Variants in OSCP1 observed in about 807,000 individuals in gnomAD.
OSCP1 encodes the protein organic solute carrier partner 1.
OSCP1 carries 35 observed loss-of-function variants against 45.1 expected under a neutral mutation model. The ratio of observed to expected loss-of-function variants is 0.78; its 90% CI spans 0.59 to 1.03. The LOEUF (loss-of-function observed/expected upper bound fraction) is 1.03, where lower values mean the gene tolerates loss of function less well. Among genes scored for constraint, OSCP1 ranks in the 50% least tolerant of loss-of-function variants. OSCP1 has a pLI of 0.00. For missense variants in OSCP1, 400 were observed against 470.7 expected, an observed-to-expected ratio of 0.85 and a Z score of 1.39; for synonymous variants, 179 against 180.1, an observed-to-expected ratio of 0.99 and a Z score of 0.05.
intron 1 of OSCP1, among the ~76,000 whole-genome samples, chr1:36,441,750 CAAAAAAAA>C (rs575967932): frequency 1.7e-5 from 1 of 58,272 alleles, no homozygotes; most frequent in Non-Finnish European, 3.3e-5. Context: ...GACTCCAGCT[CAAAAAAAA>C]AAAAAAAAAA....
At chr1:36,427,225 C>T (rs1648025523) in intron 4 of OSCP1, among the ~76,000 whole-genome samples, 1 of 151,298 alleles carries the variant, frequency 6.6e-6, no homozygotes, top group Non-Finnish European at 1.5e-5. Flanking sequence ...TGGTCTCGAA[C>T]TCCTGACCTC....
intron 8 of OSCP1, 118 bp from the exon 9 acceptor site, chr1:36,419,172 T>A: frequency 1.1e-6 from 1 of 873,212 alleles, no homozygotes; most frequent in Non-Finnish European, 1.9e-6. Flanking sequence ...CCATTTCTCT[T>A]AAACTTTCTA....
Position 36,424,800 on chromosome 1 carries a change from A to G in OSCP1, c.517-1334T>C, listed in dbSNP as rs184746147. On this transcript the variant is annotated intron_variant, in intron 4 of 9. Coordinates refer to ENST00000235532, the MANE Select transcript of OSCP1 (RefSeq NM_145047.5). ...AGTTTTACTGGGTCTTGGCTTCCTT[A>G]TCTGTAAAATAAGAGATGAGCTTGA... 1.8e-4 allele frequency among the ~76,000 whole-genome samples: 27 copies of G among 152,306 alleles called. No individual in the cohort carries two copies. In the East Asian group the frequency reaches 4.8e-3, roughly 27 times the overall value.
chr1:36,428,529 C>A, intron 4 of OSCP1: 1 of 1,532,142 alleles, frequency 6.5e-7, no homozygotes, highest in Non-Finnish European at 8.8e-7. Context: ...TCAGTTAATC[C>A]AACAAAATTA....
At chr1:36,423,296 C>T (rs537239787) in intron 5 of OSCP1, 67 bp downstream of exon 5, 10 of 1,259,556 alleles carry the variant, frequency 7.9e-6, no homozygotes, top group East Asian at 4.7e-5. Flanking sequence ...TGCGGCATTC[C>T]GTGTGCGGCC....
At chr1:36,442,219 T>G (rs1649239183) in intron 1 of OSCP1, among the ~76,000 whole-genome samples, 1 of 117,482 alleles carries the variant, frequency 8.5e-6, no homozygotes, top group South Asian at 2.6e-4. Flanking sequence ...AGAGCGAAAC[T>G]CCGTCTCAAA....
At position 36,420,625 on chromosome 1, in the gene OSCP1, C is replaced by T. The variant is rs781579660; in HGVS notation, c.820-10G>A. 10 of 1,612,396 alleles carry T rather than the reference C, an allele frequency of 6.2e-6. No homozygotes were observed. The highest frequency in any genetic ancestry group is 8.5e-6 in the Non-Finnish European group (10 of 1,179,448). ...TTGGAGCAATGCTTTCCTGCAGAAACAGTTGCATGATTTTTAGCCACATGA... is the reference window on the plus strand; with the variant it reads ...TTGGAGCAATGCTTTCCTGCAGAAATAGTTGCATGATTTTTAGCCACATGA... On this transcript the variant is annotated splice_polypyrimidine_tract_variant and intron_variant, in intron 7 of 9. Transcript: ENST00000235532.
At chr1:36,428,215 G>GAA in intron 4 of OSCP1, 2 of 908,800 alleles carry the variant, frequency 2.2e-6, no homozygotes, top group South Asian at 2.8e-5. Context: ...AAAAAAGAAA[G>GAA]AAAAATTTGG....
chr1:36,419,936 G>T (rs995577523), intron 8 of OSCP1, among the ~76,000 whole-genome samples: 1 of 151,158 alleles, frequency 6.6e-6, no homozygotes, highest in African/African-American at 2.4e-5. Context: ...CCTCAACCTC[G>T]TGGGTAGCTG....
At chr1:36,419,597 T>C (rs1297169413) in intron 8 of OSCP1, among the ~76,000 whole-genome samples, 1 of 152,196 alleles carries the variant, frequency 6.6e-6, no homozygotes, top group East Asian at 1.9e-4. Flanking sequence ...AGATAATGCA[T>C]GCAAAAGTGC....
Position 36,418,119 on chromosome 1 carries a change from A to G in OSCP1, c.*20T>C, listed in dbSNP as rs2124770556. ...TCCAGCAGCCTCTCCCTGGGGGCAG[A>G]GGACGCCTGGTCAGAACAGCTATAA... On this transcript the variant is annotated 3_prime_UTR_variant, in exon 10 of 10. Coordinates refer to ENST00000235532, the MANE Select transcript of OSCP1 (RefSeq NM_145047.5). 1 of 1,608,866 alleles carries G rather than the reference A, an allele frequency of 6.2e-7. No homozygotes were observed. Among genetic ancestry groups the G allele is most frequent in the Non-Finnish European group, 8.5e-7 (1 of 1,175,648 alleles).
In OSCP1 at chr1:36,420,619, C is replaced by T. The variant is rs770193249; in HGVS notation, c.820-4G>A. On this transcript the variant is annotated splice_region_variant and splice_polypyrimidine_tract_variant and intron_variant, in intron 7 of 9. Coordinates refer to ENST00000235532, the MANE Select transcript of OSCP1 (RefSeq NM_145047.5). ...GAGGGTTTGGAGCAATGCTTTCCTG[C>T]AGAAACAGTTGCATGATTTTTAGCC... 20 of 1,612,434 alleles carry T rather than the reference C, an allele frequency of 1.2e-5. No individual in the cohort carries two copies. The East Asian group carries it at 4.5e-4, about 36-fold the overall frequency.
intron 9 of OSCP1, 172 bp from the exon 10 acceptor site, chr1:36,418,427 A>G: frequency 3.2e-6 from 2 of 621,370 alleles, no homozygotes; most frequent in East Asian, 2.7e-5. Context: ...AAGAGGGTCT[A>G]TATATTTTTT....
At chr1:36,436,399 C>T (rs1024924552) in intron 2 of OSCP1, among the ~76,000 whole-genome samples, 6 of 152,020 alleles carry the variant, frequency 3.9e-5, no homozygotes, top group Non-Finnish European at 7.4e-5. Context: ...CGTGAGCCAC[C>T]GCGCCCGGCC....
At chr1:36,439,509 AT>A (rs1648981880) in intron 1 of OSCP1, among the ~76,000 whole-genome samples, 1 of 152,184 alleles carries the variant, frequency 6.6e-6, no homozygotes, top group Admixed American at 6.5e-5. Context: ...GTCTAAAAAA[AT>A]AAAATAAAAT....
Position 36,438,803 on chromosome 1 carries a change from G to A in OSCP1, c.220C>T (p.Leu74=). The change falls in exon 2 of 10, where the codon CTG becomes TTG. Residue 74 remains leucine, a synonymous_variant. Transcript: ENST00000235532. ...AGTTTCATAATGGAGGCATGAGCCAGGCGCTCATAGACAGTCCTCAGGGCC... is the reference window on the plus strand; with the variant it reads ...AGTTTCATAATGGAGGCATGAGCCAAGCGCTCATAGACAGTCCTCAGGGCC... ...KKALRTVYER[L]AHASIMKLNQ... is the part of the protein sequence containing the mutation. 1 of 1,614,062 alleles carries A rather than the reference G, an allele frequency of 6.2e-7. No individual in the cohort carries two copies. Among genetic ancestry groups the A allele is most frequent in the South Asian group, 1.1e-5 (1 of 91,052 alleles).
intron 2 of OSCP1, among the ~76,000 whole-genome samples, chr1:36,435,301 G>GT (rs71053934): frequency 4.1e-4 from 60 of 147,438 alleles, no homozygotes; most frequent in Middle Eastern, 6.8e-3. Flanking sequence ...TCTCACTATG[G>GT]TTTTTTTTTT....
chr1:36,444,917 C>G (rs1442404694), intron 1 of OSCP1, among the ~76,000 whole-genome samples: 1 of 152,200 alleles, frequency 6.6e-6, no homozygotes, highest in Non-Finnish European at 1.5e-5. Context: ...CCTTTGAGTT[C>G]TGTTTCCTCT....
At chr1:36,428,286 T>A in intron 4 of OSCP1, 1 of 1,576,044 alleles carries the variant, frequency 6.3e-7, no homozygotes. Flanking sequence ...AATAAGGCAC[T>A]AAATACATTG....
Sources: allele counts gnomAD v4.1 joint callset (sites outside exome capture counted in the v4.1 genomes callset), GRCh38; gene constraint gnomAD v4.1.1; transcripts MANE v1.5; gene names NCBI Gene and HGNC (gene_info 2026-07-23, HGNC 2026-07-21).